The following IPO9 variants were observed in gnomAD, a reference collection of about 807,000 sequenced individuals.
IPO9 encodes importin 9.
A neutral mutation model predicts 128.6 loss-of-function variants in IPO9; 28 were observed. That is an observed-to-expected ratio of 0.22 (90% confidence interval 0.16 to 0.30). The LOEUF (loss-of-function observed/expected upper bound fraction) is 0.30. Ranked by LOEUF, IPO9 falls within the 10% of genes least tolerant of loss-of-function variation. IPO9 has a pLI of 1.00. For synonymous variants in IPO9, 455 were observed against 475.8 expected (o/e 0.96, Z 0.57); for missense variants, 935 against 1,293.9 (o/e 0.72, Z 4.26).
intron 6 of IPO9, among the ~76,000 whole-genome samples, 200 bp downstream of exon 6, chr1:201,853,297 A>C (rs993383479): frequency 1.3e-5 from 2 of 148,476 alleles, no homozygotes; most frequent in East Asian, 2.1e-4. Flanking sequence ...ACAGTGGTGC[A>C]ATCATGGCTC....
rs1392604868 is a variant in IPO9 at position 201,870,763 on chromosome 1, T to G, written c.2314T>G (p.Ser772Ala). 6.2e-7 allele frequency: 1 copy of G among 1,614,028 alleles called. No homozygotes were observed. Among genetic ancestry groups the G allele is most frequent in the African/African-American group, 1.3e-5 (1 of 74,894 alleles). Residue 772 changes from serine (S) to alanine (A), a missense_variant, in exon 18 of 24, where the codon TCC (serine) becomes GCC (alanine). Around this residue, in one of 3 missense-constraint regions of IPO9, gnomAD observed 741 missense variants for 1,019.1 expected, o/e 0.73. Transcript: ENST00000361565. This position sits in a 1 kb window ranked among gnomAD's most constrained non-coding sequence, Gnocchi z 4.9. Reference sequence around the variant, plus strand: ...GGGCCGCCTTGTTTCCACCCTCATCTCCAAGGCAGGGCGGGAACTCGGGGA... The same window carrying G: ...GGGCCGCCTTGTTTCCACCCTCATCGCCAAGGCAGGGCGGGAACTCGGGGA... The part of the protein sequence containing the change: ...FVGRLVSTLI[S>A]KAGRELGENL...
intron 23 of IPO9, 53 bp downstream of exon 23, chr1:201,875,281 C>T (rs944741317): frequency 1.4e-6 from 2 of 1,470,392 alleles, no homozygotes; most frequent in Non-Finnish European, 9.5e-7. Flanking sequence ...GCCATGGAAA[C>T]AGGAATATGG....
intron 15 of IPO9, among the ~76,000 whole-genome samples, chr1:201,867,260 A>C (rs1308368710): frequency 6.6e-6 from 1 of 152,146 alleles, no homozygotes; most frequent in Non-Finnish European, 1.5e-5. Flanking sequence ...ATAGAATAGG[A>C]AATTGGGCAA....
rs972228732 is a variant in IPO9 at position 201,882,455 on chromosome 1, A to G, written c.*6401A>G. ...TCAAAAAAAAAAAAAAACAAAAAAAAAAACAAGTTTTGTGAATTTAAGTTT... is the reference window on the plus strand; with the variant it reads ...TCAAAAAAAAAAAAAAACAAAAAAAGAAACAAGTTTTGTGAATTTAAGTTT... On this transcript the variant is annotated 3_prime_UTR_variant, in exon 24 of 24. Transcript: ENST00000361565. The G allele has an allele frequency of 1.3e-5, 2 of 150,616 alleles. No homozygotes were observed. The highest frequency in any genetic ancestry group is 3.9e-4 in the East Asian group (2 of 5,184). The allele number at this position is 150,616 out of a possible 1,614,324, so 9.3% of individuals were successfully genotyped here. A position where few individuals can be genotyped will look rare whatever the true frequency, so the allele number is the denominator to read the frequency against.
chr1:201,870,492 G>T lies in IPO9; in HGVS notation c.2134-91G>T, dbSNP rs369577541. The stretch of plus-strand genomic sequence containing the variant: ...AGACTCACCGCTTTTATGAGGCATA[G>T]GCCTCTGGGAACATTTGTTTATACA... On this transcript the variant is annotated intron_variant, in intron 17 of 23. Coordinates refer to ENST00000361565, the MANE Select transcript of IPO9 (RefSeq NM_018085.5). This position sits in a 1 kb window ranked among gnomAD's most constrained non-coding sequence, Gnocchi z 4.9. 12 of 1,414,048 alleles carry T rather than the reference G, an allele frequency of 8.5e-6. No homozygotes were observed. The African/African-American group carries it at 1.4e-4, about 17-fold the overall frequency. The allele number at this position is 1,414,048 out of a possible 1,614,324, so 87.6% of individuals were successfully genotyped here.
At chr1:201,832,271 A>G (rs974508353) in intron 1 of IPO9, among the ~76,000 whole-genome samples, 10 of 112,444 alleles carry the variant, frequency 8.9e-5, no homozygotes, top group Middle Eastern at 5.2e-3. Flanking sequence ...TTTTTTTTTG[A>G]GACCGAGTCT....
intron 19 of IPO9, among the ~76,000 whole-genome samples, chr1:201,871,992 T>G (rs1680661644): frequency 6.6e-6 from 1 of 152,008 alleles, no homozygotes; most frequent in Non-Finnish European, 1.5e-5. Context: ...CCCAGCACTT[T>G]AGGAGGCTGA....
chr1:201,874,274 C>T lies in IPO9; in HGVS notation c.2735C>T (p.Pro912Leu). ...GACCCAGAACGCTGGACAAACATTC[C>T]TTTGCTGGTCAAGATCCTAAAGCTG... is the stretch of plus-strand genomic sequence containing the variant. ...AKNPERWTNI[P>L]LLVKILKLII... The change falls in exon 21 of 24, where the codon CCT becomes CTT. Residue 912 changes from proline (P) to leucine (L), a missense_variant. Transcript: ENST00000361565. The T allele has an allele frequency of 6.2e-7, 1 of 1,613,890 alleles. No homozygotes were observed. Among genetic ancestry groups the T allele is most frequent in the Non-Finnish European group, 8.5e-7 (1 of 1,179,860 alleles).
rs1169757306 is a variant in IPO9 at position 201,876,076 on chromosome 1, TG to T, written c.*23del. On this transcript the variant is annotated 3_prime_UTR_variant, in exon 24 of 24. Coordinates refer to ENST00000361565, the MANE Select transcript of IPO9 (RefSeq NM_018085.5). ...CTAAAAAGGGGAGCCTTTCTACATT[TG>T]CTCCTTCTGGGCCAGCCGCAAACCA... The T allele has an allele frequency of 6.7e-7, 1 of 1,502,478 alleles. No individual in the cohort carries two copies. The highest frequency in any genetic ancestry group is 1.1e-5 in the South Asian group (1 of 88,788). The allele number at this position is 1,502,478 out of a possible 1,614,324, so 93.1% of individuals were successfully genotyped here.
At chr1:201,866,124 T>C (rs1680550932) in intron 14 of IPO9, among the ~76,000 whole-genome samples, 1 of 152,186 alleles carries the variant, frequency 6.6e-6, no homozygotes, top group African/African-American at 2.4e-5. Context: ...GGGAAACTGA[T>C]GTCCCACGAA....
rs1362359914 is a variant in IPO9 at position 201,878,579 on chromosome 1, T to C, written c.*2525T>C. On this transcript the variant is annotated 3_prime_UTR_variant, in exon 24 of 24. Coordinates refer to ENST00000361565, the MANE Select transcript of IPO9 (RefSeq NM_018085.5). ...AACTTGAGTCCTGAGGAAAGGGCCCTAGTAACACTTAAGGGCTACCCCTGG... is the reference window on the plus strand; with the variant it reads ...AACTTGAGTCCTGAGGAAAGGGCCCCAGTAACACTTAAGGGCTACCCCTGG... 3 of 152,644 alleles carry C rather than the reference T, an allele frequency of 2.0e-5. No homozygotes were observed. The East Asian group carries it at 5.8e-4, about 29-fold the overall frequency. The allele number at this position is 152,644 out of a possible 1,614,324, so 9.5% of individuals were successfully genotyped here.
At chr1:201,868,561 G>C in intron 15 of IPO9, 87 bp from the exon 16 acceptor site, 1 of 1,446,004 alleles carries the variant, frequency 6.9e-7, no homozygotes, top group South Asian at 1.4e-5. Context: ...GTTAACTTAG[G>C]TTAGGGCCAA....
Position 201,847,766 on chromosome 1 carries a change from C to A in IPO9, c.312+128C>A, listed in dbSNP as rs1413701187. The stretch of plus-strand genomic sequence containing the variant: ...GGCAGAAAAGGAGATTGGTGGCTGG[C>A]ATTGCGGGCATAGGGCTATACATTA... On this transcript the variant is annotated intron_variant, in intron 3 of 23. Coordinates refer to ENST00000361565, the MANE Select transcript of IPO9 (RefSeq NM_018085.5). 4.4e-6 allele frequency: 3 copies of A among 687,438 alleles called. No homozygotes were observed. The African/African-American group carries it at 5.4e-5, about 12-fold the overall frequency. The allele number at this position is 687,438 out of a possible 1,614,324, so 42.6% of individuals were successfully genotyped here.
rs1257370864 is a variant in IPO9 at position 201,869,721 on chromosome 1, A to C, written c.2133+3A>C. On this transcript the variant is annotated splice_donor_region_variant and intron_variant, in intron 17 of 23. Transcript: ENST00000361565. ...CAGATGACAATGCCACCATGCAGGT[A>C]TCTGAGACATGGAGAGTAGAAGAGG... is the stretch of plus-strand genomic sequence containing the variant. The C allele has an allele frequency of 6.2e-7, 1 of 1,613,926 alleles. No individual in the cohort carries two copies. The highest frequency in any genetic ancestry group is 8.5e-7 in the Non-Finnish European group (1 of 1,179,936).
intron 1 of IPO9, among the ~76,000 whole-genome samples, chr1:201,833,863 G>C (rs2102866686): frequency 6.6e-6 from 1 of 152,192 alleles, no homozygotes; most frequent in South Asian, 2.1e-4. Context: ...ATAGCTTACT[G>C]CAGCTTCTAA....
chr1:201,852,722 G>A (rs1680243739), intron 5 of IPO9, among the ~76,000 whole-genome samples: 1 of 152,106 alleles, frequency 6.6e-6, no homozygotes, highest in African/African-American at 2.4e-5. Context: ...GCTGTGTTGG[G>A]ATTTTAAGCA....
Position 201,883,174 on chromosome 1 carries a change from C to G in IPO9, c.*7120C>G, listed in dbSNP as rs955968651. ...TATTAATTTGCTTTCACTAGATTCC[C>G]CCCCCCCCAACAACTTAGTCCAAGA... On this transcript the variant is annotated 3_prime_UTR_variant, in exon 24 of 24. Coordinates refer to ENST00000361565, the MANE Select transcript of IPO9 (RefSeq NM_018085.5). 1 of 145,020 alleles carries G rather than the reference C, an allele frequency of 6.9e-6. No individual in the cohort carries two copies. Among genetic ancestry groups the G allele is most frequent in the Non-Finnish European group, 1.5e-5 (1 of 65,522 alleles). The allele number at this position is 145,020 out of a possible 1,614,324, so 9.0% of individuals were successfully genotyped here. A position where few individuals can be genotyped will look rare whatever the true frequency, so the allele number is the denominator to read the frequency against.
chr1:201,849,469 T>G (rs1680179314), intron 4 of IPO9, among the ~76,000 whole-genome samples: 1 of 152,212 alleles, frequency 6.6e-6, no homozygotes, highest in African/African-American at 2.4e-5. Flanking sequence ...TCTTTCTCCT[T>G]TGTTCATATA....
At position 201,872,974 on chromosome 1, in the gene IPO9, G is replaced by T; in HGVS notation, c.2710+13G>T. The T allele has an allele frequency of 6.2e-7, 1 of 1,607,926 alleles. No homozygotes were observed. The highest frequency in any genetic ancestry group is 8.5e-7 in the Non-Finnish European group (1 of 1,176,750). On this transcript the variant is annotated intron_variant, in intron 20 of 23. Coordinates refer to ENST00000361565, the MANE Select transcript of IPO9 (RefSeq NM_018085.5). ...AAGTCAGCCAAAAGTGGGTGCTGCT[G>T]CGATTCTTCCAATCCTCTCCCTATA...
Sources: gnomAD v4.1 joint callset for allele counts (sites outside exome capture counted in the v4.1 genomes callset) on GRCh38, gnomAD v4.1.1 for gene constraint, gnomAD v4.1.1 regional missense constraint, Gnocchi (gnomAD v3.1) non-coding constraint, MANE v1.5 for transcripts, NCBI Gene and HGNC (gene_info 2026-07-23, HGNC 2026-07-21) for gene names.